Variants in GRB2 observed in about 807,000 individuals in gnomAD.
GRB2 encodes the protein growth factor receptor-bound protein 2.
In GRB2, 2 loss-of-function variants were observed where a neutral mutation model predicts 27.4. The ratio of observed to expected loss-of-function variants is 0.07; its 90% CI spans 0.03 to 0.23. The LOEUF (loss-of-function observed/expected upper bound fraction) is 0.23, where lower values mean the gene tolerates loss of function less well. Among genes scored for constraint, GRB2 ranks in the 10% least tolerant of loss-of-function variants. The pLI is 1.00. For missense variants in GRB2, 102 were observed against 282.4 expected (o/e 0.36, Z 4.58); for synonymous variants, 94 against 99.6 (o/e 0.94, Z 0.33).
intron 2 of GRB2, among the ~76,000 whole-genome samples, chr17:75,382,947 G>A (rs992231461): frequency 1.3e-5 from 2 of 152,118 alleles, no homozygotes; most frequent in Non-Finnish European, 2.9e-5. Context: ...CTGACCTCGT[G>A]ATCCGCCTGC....
intron 2 of GRB2, among the ~76,000 whole-genome samples, chr17:75,356,770 A>C (rs2078736455): frequency 6.6e-6 from 1 of 152,166 alleles, no homozygotes; most frequent in Non-Finnish European, 1.5e-5. Flanking sequence ...GGCAAAACAG[A>C]AGTGATCATT....
chr17:75,381,146 A>G (rs913837781), intron 2 of GRB2, among the ~76,000 whole-genome samples: 2 of 152,236 alleles, frequency 1.3e-5, no homozygotes, highest in African/African-American at 2.4e-5. Flanking sequence ...CATTAACTTG[A>G]TATGTTATAC....
intron 2 of GRB2, among the ~76,000 whole-genome samples, chr17:75,354,919 T>G (rs1047075102): frequency 5.3e-5 from 8 of 152,174 alleles, no homozygotes; most frequent in African/African-American, 1.9e-4. Flanking sequence ...ATCTCAGCAC[T>G]TCGGGAGTCT....
intron 2 of GRB2, among the ~76,000 whole-genome samples, chr17:75,383,997 G>C (rs1260209320): frequency 6.6e-6 from 1 of 152,108 alleles, no homozygotes; most frequent in Non-Finnish European, 1.5e-5. Context: ...GCCCAAGATC[G>C]CAATGCCCGA....
intron 2 of GRB2, among the ~76,000 whole-genome samples, chr17:75,351,013 T>C (rs1029159986): frequency 7.9e-5 from 12 of 151,916 alleles, no homozygotes; most frequent in African/African-American, 2.9e-4. Flanking sequence ...ACTTGGGGAA[T>C]TTGCTCATTA....
At chr17:75,321,106 G>T (rs1480329218) in intron 5 of GRB2, among the ~76,000 whole-genome samples, 1 of 151,816 alleles carries the variant, frequency 6.6e-6, no homozygotes, top group African/African-American at 2.4e-5. Flanking sequence ...CCCTAGAGAG[G>T]CTGGCAAGCT....
intron 3 of GRB2, among the ~76,000 whole-genome samples, chr17:75,331,974 T>A (rs1190665515): frequency 6.6e-6 from 1 of 152,120 alleles, no homozygotes; most frequent in African/African-American, 2.4e-5. Context: ...GTGGACAATG[T>A]CCAAGGGCAT....
At chr17:75,382,348 A>T (rs2078934526) in intron 2 of GRB2, among the ~76,000 whole-genome samples, 1 of 152,348 alleles carries the variant, frequency 6.6e-6, no homozygotes, top group African/African-American at 2.4e-5. Flanking sequence ...GAAGAAAAAA[A>T]CTTTCACTAT....
At chr17:75,346,895 T>C (rs1214176534) in intron 2 of GRB2, among the ~76,000 whole-genome samples, 1 of 152,062 alleles carries the variant, frequency 6.6e-6, no homozygotes, top group Non-Finnish European at 1.5e-5. Context: ...AAGAACCACA[T>C]CAACAGGCTC....
chr17:75,327,525 C>T (rs2078507212), intron 3 of GRB2, among the ~76,000 whole-genome samples: 1 of 151,904 alleles, frequency 6.6e-6, no homozygotes. Flanking sequence ...CGGCCACCAC[C>T]ACGCCCAGCT....
intron 3 of GRB2, among the ~76,000 whole-genome samples, chr17:75,332,468 T>G (rs752882003): frequency 5.3e-5 from 8 of 152,224 alleles, no homozygotes; most frequent in Non-Finnish European, 1.2e-4. Context: ...GCACCAACTA[T>G]CGTTTTATTT....
intron 2 of GRB2, among the ~76,000 whole-genome samples, chr17:75,357,178 A>G (rs1268793479): frequency 6.6e-6 from 1 of 152,212 alleles, no homozygotes; most frequent in Non-Finnish European, 1.5e-5. Flanking sequence ...TGTAAGGCAG[A>G]AATGTTTGAG....
intron 2 of GRB2, among the ~76,000 whole-genome samples, chr17:75,363,859 C>CAAAAAAAAAAAAAAAAAAAAA (rs55746272): frequency 3.4e-5 from 2 of 58,526 alleles, no homozygotes; most frequent in South Asian, 7.3e-4. Context: ...GACTCCGTCT[C>CAAAAAAAAAAAAAAAAAAAAA]AAAAAAAAAA....
chr17:75,326,869 T>A (rs1162735566), intron 3 of GRB2, among the ~76,000 whole-genome samples: 1 of 152,176 alleles, frequency 6.6e-6, no homozygotes, highest in African/African-American at 2.4e-5. Context: ...ATGAAAACTA[T>A]AATTAGGAAG....
intron 2 of GRB2, among the ~76,000 whole-genome samples, chr17:75,385,732 C>T (rs191418755): frequency 1.9e-3 from 285 of 152,218 alleles, no homozygotes; most frequent in African/African-American, 5.8e-3. Flanking sequence ...AAGTTGAATA[C>T]TTAGCTTAGA....
At chr17:75,368,918 T>C (rs1274350551) in intron 2 of GRB2, among the ~76,000 whole-genome samples, 7 of 152,198 alleles carry the variant, frequency 4.6e-5, no homozygotes, top group Admixed American at 2.6e-4. Context: ...TCTCATATAC[T>C]TGCTGTTTTA....
intron 2 of GRB2, among the ~76,000 whole-genome samples, chr17:75,361,838 C>T (rs2078783982): frequency 1.3e-5 from 2 of 151,364 alleles, no homozygotes; most frequent in South Asian, 2.1e-4. Flanking sequence ...GAGAGGATTG[C>T]TTGAGGCCAG....
In GRB2 at chr17:75,320,521, A is replaced by G. The variant is rs1364032406; in HGVS notation, c.501T>C (p.Phe167=). Residue 167 remains phenylalanine (F), a synonymous_variant, in exon 6 of 6, where the codon TTT becomes TTC. Coordinates refer to ENST00000316804, the MANE Select transcript of GRB2 (RefSeq NM_002086.5). The surrounding 1 kb of genome is among the most constrained non-coding windows in gnomAD (Gnocchi z 4.3). ...CCAGCTCTCCATCCTCCTGGGGATC[A>G]AAGTCAAAGAGGGCCTGGACGTATG... ...QPTYVQALFD[F]DPQEDGELGF... The G allele has an allele frequency of 1.9e-6, 3 of 1,613,946 alleles. No individual in the cohort carries two copies. Among genetic ancestry groups the G allele is most frequent in the Admixed American group, 3.3e-5 (2 of 59,984 alleles).
At chr17:75,403,677 T>C (rs2079078932) in intron 1 of GRB2, among the ~76,000 whole-genome samples, 1 of 152,006 alleles carries the variant, frequency 6.6e-6, no homozygotes, top group Non-Finnish European at 1.5e-5. Context: ...GGCAGGAGAA[T>C]CGCTTAAACC....
Sources: gnomAD v4.1 joint callset for allele counts (sites outside exome capture counted in the v4.1 genomes callset) on GRCh38, gnomAD v4.1.1 for gene constraint, Gnocchi (gnomAD v3.1) non-coding constraint, MANE v1.5 for transcripts, NCBI Gene and HGNC (gene_info 2026-07-23, HGNC 2026-07-21) for gene names.